Variants in OPCML observed in about 807,000 individuals in gnomAD.
OPCML encodes the protein opioid binding protein/cell adhesion molecule like, also known as opioid-binding protein/cell adhesion molecule.
A neutral mutation model predicts 37.8 loss-of-function variants in OPCML; 13 were observed. The observed-to-expected ratio is 0.34, with a 90% CI of 0.22 to 0.55. The LOEUF (loss-of-function observed/expected upper bound fraction) is 0.55. OPCML is among the 20% of genes least tolerant of loss of function. OPCML has a pLI of 0.91. For synonymous variants in OPCML, 176 were observed against 168.8 expected (o/e 1.04, Z -0.33); for missense variants, 341 against 435.6 (o/e 0.78, Z 1.93).
At chr11:133,119,730 C>T (rs1375224174) in intron 1 of OPCML, among the ~76,000 whole-genome samples, 2 of 152,108 alleles carry the variant, frequency 1.3e-5, no homozygotes, top group African/African-American at 2.4e-5. Context: ...TGAACTGAAT[C>T]GTGAGTAATG....
At chr11:133,202,588 G>A (rs1326728460) in intron 1 of OPCML, among the ~76,000 whole-genome samples, 3 of 152,218 alleles carry the variant, frequency 2.0e-5, no homozygotes, top group Non-Finnish European at 2.9e-5. Flanking sequence ...GAGATTAGGA[G>A]CTGTTGGCCA....
chr11:132,851,201 T>C (rs537167464), intron 2 of OPCML, among the ~76,000 whole-genome samples: 1 of 152,348 alleles, frequency 6.6e-6, no homozygotes, highest in Non-Finnish European at 1.5e-5. Context: ...GAAATATCCT[T>C]TTCACTCAAC....
chr11:133,015,744 A>C (rs988284259), intron 1 of OPCML, among the ~76,000 whole-genome samples: 5 of 152,150 alleles, frequency 3.3e-5, no homozygotes, highest in Non-Finnish European at 5.9e-5. Context: ...GTCACCGTTC[A>C]TGTATTACAA....
intron 3 of OPCML, among the ~76,000 whole-genome samples, chr11:132,537,419 T>C (rs1457676234): frequency 2.6e-5 from 4 of 152,138 alleles, no homozygotes; most frequent in East Asian, 3.8e-4. Flanking sequence ...CTTCATACCA[T>C]ATACAAAAAT....
chr11:132,743,529 C>A (rs1426516909), intron 2 of OPCML, among the ~76,000 whole-genome samples: 1 of 152,166 alleles, frequency 6.6e-6, no homozygotes, highest in East Asian at 1.9e-4. Flanking sequence ...TTAGTAGGAT[C>A]ATGAAATTTT....
intron 1 of OPCML, among the ~76,000 whole-genome samples, chr11:133,355,742 G>A (rs1944272903): frequency 6.6e-6 from 1 of 152,148 alleles, no homozygotes. Flanking sequence ...AACCAAGATG[G>A]TAGCTGATAT....
At position 133,118,833 on chromosome 11, in the gene OPCML, G is replaced by A. The variant is rs116188349; in HGVS notation, c.62-175823C>T. Among the ~76,000 whole-genome samples the A allele has an allele frequency of 7.5e-3, 1,149 of 152,242 alleles. 7 individuals are homozygous for A. Among genetic ancestry groups the A allele is most frequent in the African/African-American group, 0.024 (1,002 of 41,544 alleles). ...GTGCTCTCTGGCAGCCAGGAACACA[G>A]CAAAGTGCCCTCCTGCACAGACCCA... On this transcript the variant is annotated intron_variant, in intron 1 of 7. Coordinates refer to ENST00000524381, the MANE Select transcript of OPCML (RefSeq NM_001012393.5).
intron 1 of OPCML, among the ~76,000 whole-genome samples, chr11:133,055,547 G>T (rs1432491867): frequency 6.7e-6 from 1 of 149,354 alleles, no homozygotes; most frequent in African/African-American, 2.5e-5. Context: ...ACCGTATAAT[G>T]CTGCCTCTAT....
At chr11:132,579,385 ATGTG>A (rs66467384) in intron 3 of OPCML, among the ~76,000 whole-genome samples, 2,715 of 146,556 alleles carry the variant, frequency 0.019, 35 homozygotes, top group Non-Finnish European at 0.023. Flanking sequence ...TAGAATGAAT[ATGTG>A]TGTGTGTGTG....
In OPCML at chr11:132,996,488, C is replaced by T. The variant is rs187611638; in HGVS notation, c.62-53478G>A. On this transcript the variant is annotated intron_variant, in intron 1 of 7. Coordinates refer to ENST00000524381, the MANE Select transcript of OPCML (RefSeq NM_001012393.5). ...AAAAAAAATACAAAAATTAGCTGGGCGTAGTCCCAGCTACTCGGAAGCCTG... is the reference window on the plus strand; with the variant it reads ...AAAAAAAATACAAAAATTAGCTGGGTGTAGTCCCAGCTACTCGGAAGCCTG... 6.8e-3 allele frequency among the ~76,000 whole-genome samples: 1,033 copies of T among 150,850 alleles called. 8 individuals carry two copies. Among genetic ancestry groups the T allele is most frequent in the Middle Eastern group, 0.024 (7 of 288 alleles).
At chr11:132,680,915 G>A (rs547219013) in intron 2 of OPCML, among the ~76,000 whole-genome samples, 18 of 152,314 alleles carry the variant, frequency 1.2e-4, no homozygotes, top group Admixed American at 3.9e-4. Flanking sequence ...CCAAACCCAT[G>A]GCATCTTTTC....
intron 1 of OPCML, among the ~76,000 whole-genome samples, chr11:133,075,073 T>C (rs1948600962): frequency 6.6e-6 from 1 of 152,070 alleles, no homozygotes; most frequent in Admixed American, 6.6e-5. Context: ...CTCTCACGCG[T>C]CCCCACCCTG....
chr11:133,366,891 G>T (rs1944552210), intron 1 of OPCML, among the ~76,000 whole-genome samples: 1 of 152,142 alleles, frequency 6.6e-6, no homozygotes, highest in African/African-American at 2.4e-5. Flanking sequence ...AGGCACAGAG[G>T]AGCAGGGAGG....
rs140411995 is a variant in OPCML at position 132,864,308 on chromosome 11, C to T, written c.146+78618G>A. Reference sequence around the variant, plus strand: ...GTGTACCTGTTCTCCAATTAATCTGCCTTTTGTGAATTGATTTTTCAGCAA... The same window carrying T: ...GTGTACCTGTTCTCCAATTAATCTGTCTTTTGTGAATTGATTTTTCAGCAA... On this transcript the variant is annotated intron_variant, in intron 2 of 7. Coordinates refer to ENST00000524381, the MANE Select transcript of OPCML (RefSeq NM_001012393.5). Among the ~76,000 whole-genome samples the T allele has an allele frequency of 5.1e-3, 770 of 152,204 alleles. 7 individuals are homozygous for T. The highest frequency in any genetic ancestry group is 0.031 in the Middle Eastern group (9 of 294).
At chr11:132,747,783 T>C (rs956082122) in intron 2 of OPCML, among the ~76,000 whole-genome samples, 2 of 152,144 alleles carry the variant, frequency 1.3e-5, no homozygotes, top group South Asian at 4.1e-4. Context: ...AATTACAGAT[T>C]CCAGGCAAGT....
At chr11:133,031,922 A>G (rs548014737) in intron 1 of OPCML, among the ~76,000 whole-genome samples, 17 of 152,218 alleles carry the variant, frequency 1.1e-4, no homozygotes, top group Admixed American at 2.0e-4. Context: ...TGCCTCTTCT[A>G]TGCCAAACAC....
intron 1 of OPCML, among the ~76,000 whole-genome samples, chr11:133,261,731 G>T (rs759786876): frequency 6.6e-6 from 1 of 152,202 alleles, no homozygotes; most frequent in Non-Finnish European, 1.5e-5. Context: ...AAAGAGAGAC[G>T]GGGAGGAGAG....
At chr11:133,371,078 A>T (rs1944664010) in intron 1 of OPCML, among the ~76,000 whole-genome samples, 3 of 152,200 alleles carry the variant, frequency 2.0e-5, no homozygotes, top group Non-Finnish European at 4.4e-5. Flanking sequence ...AATGCTCAAC[A>T]TCATTTATCA....
intron 1 of OPCML, among the ~76,000 whole-genome samples, chr11:133,463,376 T>G (rs1946903145): frequency 6.6e-6 from 1 of 152,096 alleles, no homozygotes; most frequent in African/African-American, 2.4e-5. Context: ...AAGTGTACAC[T>G]TGAAAATGCT....
Sources: gnomAD v4.1 joint callset for allele counts (sites outside exome capture counted in the v4.1 genomes callset) on GRCh38, gnomAD v4.1.1 for gene constraint, MANE v1.5 for transcripts, NCBI Gene and HGNC (gene_info 2026-07-23, HGNC 2026-07-21) for gene names.